The following WNT2 variants were observed in gnomAD, a reference collection of about 807,000 sequenced individuals.
The protein encoded by WNT2 is Wnt family member 2.
In WNT2, 12 loss-of-function variants were observed where a neutral mutation model predicts 36.9. That is an observed-to-expected ratio of 0.33 (90% confidence interval 0.21 to 0.53). The LOEUF (loss-of-function observed/expected upper bound fraction) is 0.53, where lower values mean the gene tolerates loss of function less well. Ranked by LOEUF, WNT2 falls within the 20% of genes least tolerant of loss-of-function variation. WNT2 has a pLI of 0.95. For missense variants in WNT2, 379 were observed against 473.1 expected, an observed-to-expected ratio of 0.80 and a Z score of 1.84; for synonymous variants, 163 against 174.6, an observed-to-expected ratio of 0.93 and a Z score of 0.52.
At chr7:117,290,396 T>G (rs570961310) in intron 4 of WNT2, among the ~76,000 whole-genome samples, 47 of 152,320 alleles carry the variant, frequency 3.1e-4, no homozygotes, top group African/African-American at 1.1e-3. Context: ...TTATACTATA[T>G]GCCACTAAAG....
chr7:117,286,159 C>T (rs555404612), intron 4 of WNT2, among the ~76,000 whole-genome samples: 1 of 152,212 alleles, frequency 6.6e-6, no homozygotes, highest in Non-Finnish European at 1.5e-5. Flanking sequence ...GTTTCTAAAT[C>T]ACATAAGTTT....
chr7:117,315,035 G>A, intron 3 of WNT2, 36 bp downstream of exon 3: 1 of 1,606,808 alleles, frequency 6.2e-7, no homozygotes, highest in Non-Finnish European at 8.5e-7. Flanking sequence ...ATAAAGCCAT[G>A]CAGCCTACAA....
chr7:117,282,834 G>A (rs1250299887), intron 4 of WNT2, among the ~76,000 whole-genome samples: 1 of 152,162 alleles, frequency 6.6e-6, no homozygotes, highest in Non-Finnish European at 1.5e-5. Flanking sequence ...ACAAGTTAGA[G>A]ACCAATACAG....
At chr7:117,295,975 C>G (rs1794782899) in intron 4 of WNT2, among the ~76,000 whole-genome samples, 1 of 152,226 alleles carries the variant, frequency 6.6e-6, no homozygotes, top group East Asian at 1.9e-4. Flanking sequence ...TGTAAGGATC[C>G]TACTGTAAGG....
intron 3 of WNT2, among the ~76,000 whole-genome samples, chr7:117,301,356 G>A (rs988400631): frequency 6.6e-6 from 1 of 152,168 alleles, no homozygotes; most frequent in Admixed American, 6.5e-5. Context: ...GAGGCAGAGA[G>A]AAGGGGATGT....
chr7:117,277,704 T>G lies in WNT2; in HGVS notation c.*451A>C, dbSNP rs1794404527. On this transcript the variant is annotated 3_prime_UTR_variant, in exon 5 of 5. Transcript: ENST00000265441. Reference sequence around the variant, plus strand: ...TAAAGTTAAGTCAGGGGCAGTTGATTCTGCTTTCTTTACTGTTCCCATCTG... The same window carrying G: ...TAAAGTTAAGTCAGGGGCAGTTGATGCTGCTTTCTTTACTGTTCCCATCTG... 6.0e-6 allele frequency: 1 copy of G among 166,794 alleles called. No homozygotes were observed. The highest frequency in any genetic ancestry group is 1.3e-5 in the Non-Finnish European group (1 of 75,952). 10.3% of individuals were successfully genotyped at this position (166,794 alleles called of 1,614,324 possible).
intron 4 of WNT2, among the ~76,000 whole-genome samples, chr7:117,281,022 C>T (rs148091304): frequency 4.6e-4 from 70 of 152,254 alleles, no homozygotes; most frequent in African/African-American, 1.6e-3. Flanking sequence ...ATCAACTGCA[C>T]AGTTTTACAG....
intron 4 of WNT2, among the ~76,000 whole-genome samples, chr7:117,287,192 C>T (rs575951011): frequency 1.1e-4 from 17 of 152,208 alleles, no homozygotes; most frequent in Admixed American, 2.6e-4. Flanking sequence ...ATTAAAAATA[C>T]AAAAATTAGC....
chr7:117,321,981 C>T (rs777920729), intron 1 of WNT2: 1 of 152,172 alleles, frequency 6.6e-6, no homozygotes, highest in Non-Finnish European at 1.5e-5. Context: ...AGACCCCTTA[C>T]CAGATTCTTT....
chr7:117,276,111 T>G lies in WNT2; in HGVS notation c.*2044A>C, dbSNP rs1261147991. Among the ~76,000 whole-genome samples, 1 of 152,242 alleles carries G rather than the reference T, an allele frequency of 6.6e-6. No individual in the cohort carries two copies. Among genetic ancestry groups the G allele is most frequent in the Non-Finnish European group, 1.5e-5 (1 of 68,038 alleles). On this transcript the variant is annotated 3_prime_UTR_variant, in exon 5 of 5. Transcript: ENST00000265441. ...GTGTGGTCCTATTTGTGATGGAGCA[T>G]TGGGCAATGCCTGATATGTGCACCA... is the stretch of plus-strand genomic sequence containing the variant.
chr7:117,290,667 C>T (rs1035383861), intron 4 of WNT2, among the ~76,000 whole-genome samples: 9 of 152,212 alleles, frequency 5.9e-5, no homozygotes, highest in Non-Finnish European at 1.0e-4. Flanking sequence ...AGCAATGCAA[C>T]AAGGACTGAA....
chr7:117,300,817 A>G (rs1273106486), intron 3 of WNT2: 1 of 152,202 alleles, frequency 6.6e-6, no homozygotes, highest in Non-Finnish European at 1.5e-5. Context: ...CATATAATAA[A>G]ATAAAAGAGT....
At chr7:117,295,397 T>A (rs1256899631) in intron 4 of WNT2, among the ~76,000 whole-genome samples, 1 of 152,228 alleles carries the variant, frequency 6.6e-6, no homozygotes. Context: ...AGAATTTCTT[T>A]CTAATACAAA....
intron 3 of WNT2, among the ~76,000 whole-genome samples, chr7:117,307,128 TA>T (rs991425308): frequency 1.3e-5 from 2 of 151,956 alleles, no homozygotes; most frequent in Non-Finnish European, 1.5e-5. Context: ...GAAGTCTGTT[TA>T]AAAAAAAGAG....
At chr7:117,305,258 A>C (rs1047863128) in intron 3 of WNT2, among the ~76,000 whole-genome samples, 1 of 151,578 alleles carries the variant, frequency 6.6e-6, no homozygotes, top group Non-Finnish European at 1.5e-5. Context: ...ATGTTTATGG[A>C]CCTCCTTAAA....
chr7:117,314,467 CAGGAAGTTA>C (rs1286947187), intron 3 of WNT2, among the ~76,000 whole-genome samples: 2 of 152,148 alleles, frequency 1.3e-5, no homozygotes, highest in East Asian at 1.9e-4. Context: ...GACTGGAGCC[CAGGAAGTTA>C]GTCAGGTCTA....
intron 4 of WNT2, 136 bp from the exon 5 acceptor site, chr7:117,278,520 C>A: frequency 2.4e-6 from 2 of 839,354 alleles, no homozygotes; most frequent in South Asian, 3.6e-5. Flanking sequence ...CTGTTATACT[C>A]GTTCTGTGGG....
At chr7:117,314,970 C>CA in intron 3 of WNT2, 101 bp downstream of exon 3, 2 of 1,510,638 alleles carry the variant, frequency 1.3e-6, no homozygotes, top group Non-Finnish European at 1.8e-6. Context: ...GTTGTGACTA[C>CA]ACAGCATTTT....
chr7:117,320,032 A>T lies in WNT2; in HGVS notation c.310+535T>A, dbSNP rs980733847. On this transcript the variant is annotated intron_variant, in intron 2 of 4. Coordinates refer to ENST00000265441, the MANE Select transcript of WNT2 (RefSeq NM_003391.3). Reference sequence around the variant, plus strand: ...CAATCTGTTGGGAGGAAAAATGTTGAATTTAGACACAGAGGCACCAAGGCT... The same window carrying T: ...CAATCTGTTGGGAGGAAAAATGTTGTATTTAGACACAGAGGCACCAAGGCT... 5.3e-5 allele frequency among the ~76,000 whole-genome samples: 8 copies of T among 152,196 alleles called. No individual in the cohort carries two copies. In the South Asian group the frequency reaches 1.0e-3, roughly 20 times the overall value.
Sources: gnomAD v4.1 joint callset for allele counts (sites outside exome capture counted in the v4.1 genomes callset) on GRCh38, gnomAD v4.1.1 for gene constraint, MANE v1.5 for transcripts, NCBI Gene and HGNC (gene_info 2026-07-23, HGNC 2026-07-21) for gene names.